SUSD6: variants seen among roughly 807,000 people sequenced by gnomAD.
SUSD6 encodes the protein sushi domain containing 6.
SUSD6 carries 16 observed loss-of-function variants against 28.4 expected under a neutral mutation model. That is an observed-to-expected ratio of 0.56 (90% CI 0.38 to 0.86). The LOEUF is 0.86. SUSD6 is among the 40% of genes least tolerant of loss of function. The pLI is 0.00. For synonymous variants in SUSD6, 147 were observed against 159.6 expected (o/e 0.92, Z 0.59); for missense variants, 341 against 384.2 (o/e 0.89, Z 0.94).
chr14:69,660,223 A>G (rs1320248422), intron 2 of SUSD6, among the ~76,000 whole-genome samples: 2 of 152,228 alleles, frequency 1.3e-5, no homozygotes, highest in Non-Finnish European at 2.9e-5. Flanking sequence ...TATCCAACAT[A>G]AACAGATAAT....
intron 2 of SUSD6, among the ~76,000 whole-genome samples, chr14:69,663,810 G>A (rs1020961583): frequency 1.8e-4 from 27 of 152,126 alleles, no homozygotes; most frequent in African/African-American, 5.8e-4. Flanking sequence ...TGTGCTGAGT[G>A]ACAGGCTTCA....
chr14:69,686,243 A>G (rs1266611639), intron 2 of SUSD6, among the ~76,000 whole-genome samples: 11 of 152,230 alleles, frequency 7.2e-5, no homozygotes. Context: ...AATAATGTCT[A>G]AAATGCCCAG....
chr14:69,652,624 A>G (rs1885520887), intron 1 of SUSD6, among the ~76,000 whole-genome samples: 1 of 152,194 alleles, frequency 6.6e-6, no homozygotes, highest in African/African-American at 2.4e-5. Flanking sequence ...CTTCAGCAGG[A>G]CTATGGCATT....
intron 2 of SUSD6, among the ~76,000 whole-genome samples, chr14:69,700,595 T>C (rs149265449): frequency 8.5e-4 from 129 of 152,316 alleles, no homozygotes; most frequent in African/African-American, 3.0e-3. Context: ...ATTTTCCCAC[T>C]TCAGTGCATT....
intron 2 of SUSD6, among the ~76,000 whole-genome samples, chr14:69,700,341 G>T (rs139001500): frequency 2.8e-3 from 428 of 152,000 alleles, no homozygotes; most frequent in African/African-American, 0.01. Flanking sequence ...TAATCTAAGG[G>T]GTCTCTCCTA....
intron 1 of SUSD6, among the ~76,000 whole-genome samples, chr14:69,630,952 C>T (rs1342679050): frequency 1.3e-5 from 2 of 152,162 alleles, no homozygotes; most frequent in Non-Finnish European, 2.9e-5. Context: ...TTGTTTTACT[C>T]CACTCCATTC....
intron 2 of SUSD6, among the ~76,000 whole-genome samples, chr14:69,666,354 G>C (rs1885741835): frequency 1.3e-5 from 2 of 152,138 alleles, no homozygotes; most frequent in Non-Finnish European, 2.9e-5. Flanking sequence ...TTTCAGAGCT[G>C]ATATTCCTCA....
intron 1 of SUSD6, among the ~76,000 whole-genome samples, chr14:69,627,610 G>T (rs373908277): frequency 7.2e-5 from 11 of 152,076 alleles, no homozygotes; most frequent in African/African-American, 2.7e-4. Flanking sequence ...GATTACAGGC[G>T]CCCACCACCA....
chr14:69,642,354 T>A (rs76768164), intron 1 of SUSD6, among the ~76,000 whole-genome samples: 2,719 of 152,262 alleles, frequency 0.018, 81 homozygotes, highest in African/African-American at 0.062. Context: ...ATTAGAAGAC[T>A]TTTCTGCCTT....
chr14:69,657,987 TGTCGA>T (rs1459796947), intron 1 of SUSD6, among the ~76,000 whole-genome samples: 2 of 152,370 alleles, frequency 1.3e-5, no homozygotes, highest in Admixed American at 1.3e-4. Context: ...GATTCACGGC[TGTCGA>T]GTCAGGTCCT....
chr14:69,680,170 C>G (rs1245287972), intron 2 of SUSD6, among the ~76,000 whole-genome samples: 2 of 152,162 alleles, frequency 1.3e-5, no homozygotes, highest in Non-Finnish European at 2.9e-5. Context: ...CCAGAACCCA[C>G]CAGTGACAGG....
At chr14:69,703,136 A>G (rs1484278682) in intron 2 of SUSD6, among the ~76,000 whole-genome samples, 1 of 152,122 alleles carries the variant, frequency 6.6e-6, no homozygotes, top group Admixed American at 6.5e-5. Context: ...TCTGCCGTTC[A>G]TTTATGGATG....
At chr14:69,643,238 T>C (rs1335192674) in intron 1 of SUSD6, among the ~76,000 whole-genome samples, 1 of 152,230 alleles carries the variant, frequency 6.6e-6, no homozygotes, top group Non-Finnish European at 1.5e-5. Context: ...TAGAGGTAGA[T>C]ATTCCTCAGC....
intron 1 of SUSD6, among the ~76,000 whole-genome samples, chr14:69,638,894 T>C (rs1426842242): frequency 6.6e-6 from 1 of 152,210 alleles, no homozygotes; most frequent in African/African-American, 2.4e-5. Flanking sequence ...GCCCCTCTTA[T>C]CTAAGCTGCT....
At chr14:69,657,595 TAAAA>T (rs1885601803) in intron 1 of SUSD6, among the ~76,000 whole-genome samples, 2 of 151,728 alleles carry the variant, frequency 1.3e-5, no homozygotes, top group Non-Finnish European at 2.9e-5. Flanking sequence ...GTGTGTAACT[TAAAA>T]AAAAGAAGTG....
rs1245887826 is a variant in SUSD6, at chr14:69,695,033, C to T, written c.122-8362C>T. 5.4e-4 allele frequency among the ~76,000 whole-genome samples: 82 copies of T among 152,174 alleles called. 1 individual carries two copies. The highest frequency in any genetic ancestry group is 5.4e-3 in the Admixed American group (82 of 15,276). On this transcript the variant is annotated intron_variant, in intron 2 of 5. Transcript: ENST00000342745. Reference sequence around the variant, plus strand: ...CTTGAGCTACTGCAGGCTGGCTCTCCCCCAGTGAGTGGGAAGTTCTCATGA... The same window carrying T: ...CTTGAGCTACTGCAGGCTGGCTCTCTCCCAGTGAGTGGGAAGTTCTCATGA...
intron 2 of SUSD6, among the ~76,000 whole-genome samples, chr14:69,687,770 T>C (rs1886094806): frequency 6.6e-6 from 1 of 152,256 alleles, no homozygotes; most frequent in South Asian, 2.1e-4. Flanking sequence ...ACAGTGTCTT[T>C]CGTACTTGCC....
chr14:69,683,746 A>G (rs1886032017), intron 2 of SUSD6, among the ~76,000 whole-genome samples: 1 of 152,226 alleles, frequency 6.6e-6, no homozygotes, highest in East Asian at 1.9e-4. Context: ...GACGATTCTG[A>G]AAAGAAATCA....
intron 1 of SUSD6, among the ~76,000 whole-genome samples, chr14:69,634,353 A>G (rs554284365): frequency 3.3e-5 from 5 of 152,322 alleles, no homozygotes; most frequent in African/African-American, 1.2e-4. Flanking sequence ...GGGGATTTGA[A>G]TGTATTTTGC....
Sources: gnomAD v4.1 joint callset for allele counts (sites outside exome capture counted in the v4.1 genomes callset) on GRCh38, gnomAD v4.1.1 for gene constraint, MANE v1.5 for transcripts, NCBI Gene and HGNC (gene_info 2026-07-23, HGNC 2026-07-21) for gene names.